Variants in RNLS observed in about 807,000 individuals in gnomAD.
The protein encoded by RNLS is renalase.
In RNLS, 39 loss-of-function variants were observed where a neutral mutation model predicts 39.8. The observed-to-expected ratio is 0.98, with a 90% CI of 0.76 to 1.28. The LOEUF (loss-of-function observed/expected upper bound fraction) is 1.28. RNLS is among the 50% of genes most tolerant of loss of function. The pLI, the probability that RNLS is intolerant of heterozygous loss-of-function variation, is 0.00. For synonymous variants in RNLS, 147 were observed against 150.7 expected, an observed-to-expected ratio of 0.98 and a Z score of 0.18; for missense variants, 410 against 413.3, an observed-to-expected ratio of 0.99 and a Z score of 0.07.
chr10:88,555,673 G>T (rs1414204105), intron 4 of RNLS, among the ~76,000 whole-genome samples: 1 of 152,080 alleles, frequency 6.6e-6, no homozygotes, highest in Non-Finnish European at 1.5e-5. Flanking sequence ...AACGTGAAAT[G>T]GACTGACACA....
intron 6 of RNLS, among the ~76,000 whole-genome samples, chr10:88,288,760 G>A (rs148024995): frequency 7.9e-5 from 12 of 152,226 alleles, no homozygotes; most frequent in Admixed American, 2.0e-4. Context: ...TTAGCCAGTC[G>A]GCAGTTTGGA....
At chr10:88,408,726 T>C (rs922926411) in intron 4 of RNLS, among the ~76,000 whole-genome samples, 6 of 152,156 alleles carry the variant, frequency 3.9e-5, no homozygotes, top group African/African-American at 1.4e-4. Flanking sequence ...GTTTCAAGCA[T>C]AATTTTTAGT....
At chr10:88,393,086 T>G (rs1203790858) in intron 4 of RNLS, among the ~76,000 whole-genome samples, 2 of 152,194 alleles carry the variant, frequency 1.3e-5, no homozygotes, top group Admixed American at 1.3e-4. Context: ...GCCAATATCA[T>G]ACTGAATGGG....
chr10:88,176,530 G>A, the RNLS span, among the ~76,000 whole-genome samples: 1 of 152,122 alleles, frequency 6.6e-6, no homozygotes, highest in Non-Finnish European at 1.5e-5. Context: ...CTTATTGATA[G>A]GTAAGAATGT....
chr10:88,190,697 G>A, the RNLS span, among the ~76,000 whole-genome samples: 6 of 152,086 alleles, frequency 3.9e-5, no homozygotes, highest in Admixed American at 1.3e-4. Flanking sequence ...AATTGGTTGG[G>A]CATAGGTTCC....
chr10:88,228,767 T>A, the RNLS span, among the ~76,000 whole-genome samples: 1 of 152,216 alleles, frequency 6.6e-6, no homozygotes, highest in Non-Finnish European at 1.5e-5. Context: ...TGGCGGAATT[T>A]GATCCAAACT....
At chr10:88,255,600 C>T in the RNLS span, among the ~76,000 whole-genome samples, 1 of 152,136 alleles carries the variant, frequency 6.6e-6, no homozygotes, top group Non-Finnish European at 1.5e-5. Context: ...ACCCAATCAA[C>T]CTAAGTAAAG....
intron 4 of RNLS, among the ~76,000 whole-genome samples, chr10:88,521,897 T>C (rs889451073): frequency 2.0e-5 from 3 of 151,962 alleles, no homozygotes; most frequent in Non-Finnish European, 4.4e-5. Context: ...AGCTAATAAG[T>C]GAACATTAGA....
intron 4 of RNLS, among the ~76,000 whole-genome samples, chr10:88,487,769 A>G (rs1309077592): frequency 6.6e-6 from 1 of 152,212 alleles, no homozygotes; most frequent in Non-Finnish European, 1.5e-5. Flanking sequence ...GTTCATACAG[A>G]CTTGCCCACA....
At chr10:88,479,553 T>C (rs1024262785) in intron 4 of RNLS, among the ~76,000 whole-genome samples, 4 of 151,990 alleles carry the variant, frequency 2.6e-5, no homozygotes, top group African/African-American at 9.7e-5. Context: ...ATTTTAGAAA[T>C]ATCAGTATCA....
At chr10:88,237,347 A>C in the RNLS span, among the ~76,000 whole-genome samples, 4 of 150,914 alleles carry the variant, frequency 2.7e-5, no homozygotes, top group African/African-American at 9.8e-5. Context: ...AAGCATCATA[A>C]GTTAGATCTT....
At chr10:88,311,748 G>A (rs1008103491) in intron 6 of RNLS, among the ~76,000 whole-genome samples, 2 of 152,116 alleles carry the variant, frequency 1.3e-5, no homozygotes, top group African/African-American at 2.4e-5. Context: ...TTCATTAAAC[G>A]CTTATTGAAT....
chr10:88,458,656 G>A (rs1186109706), intron 4 of RNLS, among the ~76,000 whole-genome samples: 1 of 152,044 alleles, frequency 6.6e-6, no homozygotes, highest in Non-Finnish European at 1.5e-5. Context: ...GAAAAATGGG[G>A]CCTTGTCTAC....
intron 4 of RNLS, among the ~76,000 whole-genome samples, chr10:88,421,718 A>G (rs1854419312): frequency 6.6e-6 from 1 of 152,174 alleles, no homozygotes; most frequent in African/African-American, 2.4e-5. Flanking sequence ...CTACAGAAGG[A>G]AATACCAATT....
chr10:88,181,012 T>G, the RNLS span, among the ~76,000 whole-genome samples: 8 of 152,206 alleles, frequency 5.3e-5, no homozygotes, highest in African/African-American at 1.7e-4. Context: ...AAGATCAACA[T>G]GCCCTAATCC....
chr10:88,399,266 C>G (rs1385536061), intron 4 of RNLS, among the ~76,000 whole-genome samples: 1 of 151,978 alleles, frequency 6.6e-6, no homozygotes, highest in Non-Finnish European at 1.5e-5. Flanking sequence ...AGTGATTTCA[C>G]TCCTAGGTGT....
chr10:88,533,616 A>T (rs893471007), intron 4 of RNLS, among the ~76,000 whole-genome samples: 1 of 152,042 alleles, frequency 6.6e-6, no homozygotes, highest in African/African-American at 2.4e-5. Flanking sequence ...AGTTGTGAGG[A>T]TGGAGTGAAG....
downstream of RNLS, among the ~76,000 whole-genome samples, chr10:88,283,821 G>A (rs1297169807): frequency 6.6e-6 from 1 of 152,054 alleles, no homozygotes; most frequent in East Asian, 1.9e-4. Flanking sequence ...AGTAGAGGGT[G>A]GGAGGGAGGA....
At chr10:88,276,481 T>A (rs896479290) in intron 6 of RNLS, among the ~76,000 whole-genome samples, 1 of 152,188 alleles carries the variant, frequency 6.6e-6, no homozygotes, top group Non-Finnish European at 1.5e-5. Flanking sequence ...AGAATCACAT[T>A]TGATTTTTTT....
Sources: allele counts gnomAD v4.1 joint callset (sites outside exome capture counted in the v4.1 genomes callset), GRCh38; gene constraint gnomAD v4.1.1; transcripts MANE v1.5; gene names NCBI Gene and HGNC (gene_info 2026-07-23, HGNC 2026-07-21).